The following TRNAU1AP variants were observed in gnomAD, a reference collection of about 807,000 sequenced individuals.
TRNAU1AP encodes tRNA selenocysteine 1 associated protein 1.
TRNAU1AP carries 33 observed loss-of-function variants against 43.3 expected under a neutral mutation model. That is an observed-to-expected ratio of 0.76 (90% CI 0.58 to 1.02). The LOEUF (loss-of-function observed/expected upper bound fraction) is 1.02, where lower values mean the gene tolerates loss of function less well. Among genes scored for constraint, TRNAU1AP ranks in the 50% least tolerant of loss-of-function variants. The pLI is 0.00. For synonymous variants in TRNAU1AP, 143 were observed against 129.1 expected (o/e 1.11, Z -0.73); for missense variants, 290 against 362.7 (o/e 0.80, Z 1.63).
intron 6 of TRNAU1AP, 149 bp from the exon 7 acceptor site, chr1:28,571,026 CT>C: frequency 1.5e-6 from 1 of 679,310 alleles, no homozygotes; most frequent in South Asian, 1.9e-5. Context: ...GATTGCGCCC[CT>C]GTACTCCAGC....
intron 2 of TRNAU1AP, among the ~76,000 whole-genome samples, chr1:28,557,881 C>T (rs1665308336): frequency 6.6e-6 from 1 of 151,056 alleles, no homozygotes; most frequent in Admixed American, 6.6e-5. Context: ...GCCACCGCTC[C>T]CGGCCAACAC....
chr1:28,577,678 T>C lies in TRNAU1AP; in HGVS notation c.*42T>C. 2 of 1,555,758 alleles carry C rather than the reference T, an allele frequency of 1.3e-6. No homozygotes were observed. Among genetic ancestry groups the C allele is most frequent in the Non-Finnish European group, 1.7e-6 (2 of 1,151,930 alleles). ...GCCAGGTTGCATGATGTGAGGGAGATGAGAGACTCCTTTTTAAAAATTGTG... is the reference window on the plus strand; with the variant it reads ...GCCAGGTTGCATGATGTGAGGGAGACGAGAGACTCCTTTTTAAAAATTGTG... On this transcript the variant is annotated 3_prime_UTR_variant, in exon 9 of 9. Transcript: ENST00000373830.
intron 8 of TRNAU1AP, among the ~76,000 whole-genome samples, chr1:28,574,004 C>G (rs1665719897): frequency 1.3e-5 from 2 of 151,026 alleles, no homozygotes; most frequent in African/African-American, 4.9e-5. Flanking sequence ...CTTTGGAAGG[C>G]CAACGTGGGT....
chr1:28,573,919 G>A (rs1665717029), intron 8 of TRNAU1AP, among the ~76,000 whole-genome samples: 1 of 151,546 alleles, frequency 6.6e-6, no homozygotes, highest in Admixed American at 6.6e-5. Flanking sequence ...CCTGGGTGAC[G>A]AGAGTGAAAC....
chr1:28,566,910 G>A lies in TRNAU1AP; in HGVS notation c.411-384G>A, dbSNP rs2124204892. On this transcript the variant is annotated intron_variant, in intron 5 of 8. Coordinates refer to ENST00000373830, the MANE Select transcript of TRNAU1AP (RefSeq NM_017846.5). Reference sequence around the variant, plus strand: ...TGTCTTTCTGTGACTGCTGCATCCTGTGCGTAGCACAGTGCCTGGCATACA... The same window carrying A: ...TGTCTTTCTGTGACTGCTGCATCCTATGCGTAGCACAGTGCCTGGCATACA... Among the ~76,000 whole-genome samples the A allele has an allele frequency of 2.0e-5, 3 of 152,390 alleles. No individual in the cohort carries two copies. The Middle Eastern group carries it at 0.01, about 518-fold the overall frequency.
intron 6 of TRNAU1AP, among the ~76,000 whole-genome samples, chr1:28,570,635 A>C (rs969617946): frequency 2.6e-5 from 4 of 151,570 alleles, no homozygotes; most frequent in Non-Finnish European, 4.4e-5. Context: ...TATCCATTAA[A>C]ATCTCCTGTA....
chr1:28,553,861 A>G lies in TRNAU1AP; in HGVS notation c.125+124A>G, dbSNP rs1312366146. On this transcript the variant is annotated intron_variant, in intron 2 of 8. Transcript: ENST00000373830. ...TAGTCACTGTAAAATTATAACAGCT[A>G]ACATTTTGAGGTCCCAATGAGTGGA... 3 of 897,116 alleles carry G rather than the reference A, an allele frequency of 3.3e-6. No homozygotes were observed. The Admixed American group carries it at 6.7e-5, about 20-fold the overall frequency. 55.6% of individuals were successfully genotyped at this position (897,116 alleles called of 1,614,324 possible). A position where few individuals can be genotyped will look rare whatever the true frequency, so the allele number is the denominator to read the frequency against.
intron 2 of TRNAU1AP, among the ~76,000 whole-genome samples, chr1:28,555,197 T>C (rs1279543682): frequency 2.0e-5 from 3 of 147,806 alleles, no homozygotes; most frequent in African/African-American, 2.5e-5. Flanking sequence ...GCCATTGCAC[T>C]CCAGCCTGGG....
intron 6 of TRNAU1AP, among the ~76,000 whole-genome samples, chr1:28,568,395 C>T (rs1235870916): frequency 2.0e-5 from 3 of 152,138 alleles, no homozygotes; most frequent in South Asian, 4.1e-4. Flanking sequence ...CCCATCTCAG[C>T]CTCCTGATTA....
chr1:28,576,625 G>T (rs577973314), intron 8 of TRNAU1AP, among the ~76,000 whole-genome samples: 1 of 145,744 alleles, frequency 6.9e-6, no homozygotes, highest in Non-Finnish European at 1.5e-5. Flanking sequence ...CCGAGACGGG[G>T]TTTTGCTCTT....
At chr1:28,569,935 AGGT>A (rs1665626625) in intron 6 of TRNAU1AP, among the ~76,000 whole-genome samples, 1 of 151,280 alleles carries the variant, frequency 6.6e-6, no homozygotes, top group South Asian at 2.1e-4. Context: ...CAGGAGGCGG[AGGT>A]TGCAGTGAGC....
At chr1:28,553,590 TG>T in intron 1 of TRNAU1AP, 49 bp from the exon 2 acceptor site, 1 of 1,571,988 alleles carries the variant, frequency 6.4e-7, no homozygotes, top group Non-Finnish European at 8.7e-7. Flanking sequence ...GAACCCGGAG[TG>T]GGAAGCCCGG....
At chr1:28,571,788 A>G in intron 7 of TRNAU1AP, 79 bp from the exon 8 acceptor site, 1 of 1,253,044 alleles carries the variant, frequency 8.0e-7, no homozygotes, top group South Asian at 1.2e-5. Flanking sequence ...ACCTCAAAAA[A>G]AATAAAAAAT....
intron 3 of TRNAU1AP, chr1:28,561,000 C>T: frequency 1.6e-6 from 2 of 1,264,676 alleles, no homozygotes; most frequent in South Asian, 1.8e-5. Flanking sequence ...GCATTGCTGC[C>T]TCCCATAACC....
intron 2 of TRNAU1AP, among the ~76,000 whole-genome samples, chr1:28,557,112 C>T (rs1436615101): frequency 6.6e-6 from 1 of 151,506 alleles, no homozygotes; most frequent in Admixed American, 6.6e-5. Context: ...TGGGACCAAC[C>T]TTACTGTTTA....
chr1:28,561,919 C>A (rs371848538), intron 4 of TRNAU1AP, among the ~76,000 whole-genome samples: 14 of 152,132 alleles, frequency 9.2e-5, no homozygotes, highest in South Asian at 8.3e-4. Context: ...AAAAATACAA[C>A]AAATTAGCCG....
At chr1:28,557,681 C>T (rs927705852) in intron 2 of TRNAU1AP, among the ~76,000 whole-genome samples, 13 of 151,810 alleles carry the variant, frequency 8.6e-5, no homozygotes, top group Admixed American at 4.6e-4. Context: ...CTGCACCTCT[C>T]GGGTTCAAGC....
In TRNAU1AP at chr1:28,578,097, G is replaced by A. The variant is rs1044538738; in HGVS notation, c.*461G>A. 4 of 160,206 alleles carry A rather than the reference G, an allele frequency of 2.5e-5. No individual in the cohort carries two copies. The highest frequency in any genetic ancestry group is 3.5e-4 in the South Asian group (2 of 5,660). The allele number at this position is 160,206 out of a possible 1,614,324, so 9.9% of individuals were successfully genotyped here. A position where few individuals can be genotyped will look rare whatever the true frequency, so the allele number is the denominator to read the frequency against. The stretch of plus-strand genomic sequence containing the variant: ...ACTCTAGCAGGTGTGGTAGGAGCAC[G>A]CCCCAGAAGGTAGAATGTGGTGGGG... On this transcript the variant is annotated 3_prime_UTR_variant, in exon 9 of 9. Coordinates refer to ENST00000373830, the MANE Select transcript of TRNAU1AP (RefSeq NM_017846.5).
Position 28,577,625 on chromosome 1 carries a change from G to T in TRNAU1AP, c.853G>T (p.Ala285Ser). The stretch of plus-strand genomic sequence containing the variant: ...GGACACAGTGTCTTCAGAGATCCCT[G>T]CCATGATGTAGCCAGGCCAAAGGAC... Reference protein sequence around the residue: ...PLDTVSSEIPAMM With the variant: ...PLDTVSSEIPSMM Residue 285 changes from alanine to serine, a missense_variant, in exon 9 of 9, where the codon GCC (alanine) becomes TCC (serine). Transcript: ENST00000373830. The T allele has an allele frequency of 6.2e-7, 1 of 1,613,998 alleles. No individual in the cohort carries two copies. The highest frequency in any genetic ancestry group is 8.5e-7 in the Non-Finnish European group (1 of 1,179,954).
Sources: gnomAD v4.1 joint callset for allele counts (sites outside exome capture counted in the v4.1 genomes callset) on GRCh38, gnomAD v4.1.1 for gene constraint, MANE v1.5 for transcripts, NCBI Gene and HGNC (gene_info 2026-07-23, HGNC 2026-07-21) for gene names.